VPS13B: variants seen among roughly 807,000 people sequenced by gnomAD.
The protein encoded by VPS13B is vacuolar protein sorting 13 homolog B.
A neutral mutation model predicts 426.4 loss-of-function variants in VPS13B; 285 were observed. That is an observed-to-expected ratio of 0.67 (90% CI 0.61 to 0.74). The LOEUF is 0.74. VPS13B is among the 30% of genes least tolerant of loss of function. VPS13B has a pLI of 0.00. For missense variants in VPS13B, 4,537 were observed against 4,782.6 expected, an observed-to-expected ratio of 0.95 and a Z score of 1.51; for synonymous variants, 1,676 against 1,676.4, an observed-to-expected ratio of 1.00 and a Z score of 0.01.
At chr8:99,447,106 C>A (rs1305736424) in intron 23 of VPS13B, among the ~76,000 whole-genome samples, 1 of 152,092 alleles carries the variant, frequency 6.6e-6, no homozygotes, top group East Asian at 1.9e-4. Flanking sequence ...TTATACTTTT[C>A]TTTTCTGTGC....
At chr8:99,589,892 G>T (rs1483791051) in intron 33 of VPS13B, among the ~76,000 whole-genome samples, 1 of 152,106 alleles carries the variant, frequency 6.6e-6, no homozygotes, top group Non-Finnish European at 1.5e-5. Flanking sequence ...CTATTGATTG[G>T]AATAGTTTCA....
At position 99,352,768 on chromosome 8, in the gene VPS13B, G is replaced by T. The variant is rs555594863; in HGVS notation, c.2825-31440G>T. 4.0e-5 allele frequency among the ~76,000 whole-genome samples: 6 copies of T among 151,456 alleles called. No individual in the cohort carries two copies. The South Asian group carries it at 1.3e-3, about 32-fold the overall frequency. On this transcript the variant is annotated intron_variant, in intron 19 of 61. Transcript: ENST00000357162. Reference sequence around the variant, plus strand: ...GAACCCGGGAGGCGGAGGTTGCTGTGAGCCAGGATCGTGCCATTGCACTCC... The same window carrying T: ...GAACCCGGGAGGCGGAGGTTGCTGTTAGCCAGGATCGTGCCATTGCACTCC...
At chr8:99,355,849 T>C (rs527808106) in intron 19 of VPS13B, among the ~76,000 whole-genome samples, 1 of 152,322 alleles carries the variant, frequency 6.6e-6, no homozygotes, top group East Asian at 1.9e-4. Flanking sequence ...TTATTATAAT[T>C]ATACTTGTCA....
intron 15 of VPS13B, among the ~76,000 whole-genome samples, chr8:99,157,134 AC>A (rs989341789): frequency 6.6e-6 from 1 of 152,138 alleles, no homozygotes; most frequent in Non-Finnish European, 1.5e-5. Flanking sequence ...AGGGCCTAAA[AC>A]TTTTTTATGT....
chr8:99,274,105 T>G, intron 17 of VPS13B, 93 bp from the exon 18 acceptor site: 1 of 1,514,116 alleles, frequency 6.6e-7, no homozygotes, highest in Non-Finnish European at 9.1e-7. Flanking sequence ...AGGTAGACAG[T>G]TAGAGTATAA....
In VPS13B at chr8:99,422,037, G is replaced by A. The variant is rs574390765; in HGVS notation, c.3083-9500G>A. ...CAGCAGTGCCTGGCTTGTAGTAGGT[G>A]CTATAGAGGTTTTGATTAAATAAGA... On this transcript the variant is annotated intron_variant, in intron 21 of 61. Transcript: ENST00000357162. 1.2e-4 allele frequency among the ~76,000 whole-genome samples: 19 copies of A among 152,242 alleles called. No individual in the cohort carries two copies. The South Asian group carries it at 3.9e-3, about 32-fold the overall frequency.
intron 44 of VPS13B, among the ~76,000 whole-genome samples, chr8:99,815,819 C>A (rs1214675272): frequency 6.6e-6 from 1 of 152,052 alleles, no homozygotes; most frequent in Non-Finnish European, 1.5e-5. Context: ...CAATTTCAAC[C>A]AATTTAAGAA....
intron 19 of VPS13B, among the ~76,000 whole-genome samples, chr8:99,307,474 A>G (rs2133087619): frequency 6.6e-6 from 1 of 152,268 alleles, no homozygotes; most frequent in South Asian, 2.1e-4. Context: ...TGAACAATAA[A>G]ATGAAACTTC....
Position 99,096,375 on chromosome 8 carries a change from T to G in VPS13B, c.355T>G (p.Ser119Ala), listed in dbSNP as rs770030696. 5 of 1,614,134 alleles carry G rather than the reference T, an allele frequency of 3.1e-6. No homozygotes were observed. Among genetic ancestry groups the G allele is most frequent in the Non-Finnish European group, 2.5e-6 (3 of 1,179,994 alleles). Reference sequence around the variant, plus strand: ...TAGTACTGCTGAGAGCACAAAATCATCAATCAAACCGCGGAGAATGCAGCA... The same window carrying G: ...TAGTACTGCTGAGAGCACAAAATCAGCAATCAAACCGCGGAGAATGCAGCA... ...NRSTAESTKS[S>A]IKPRRMQQAA... Residue 119 changes from serine to alanine, a missense_variant, in exon 4 of 62, where the codon TCA becomes GCA. Ser to Ala is a moderately conservative substitution (Grantham distance 99, BLOSUM62 1). Transcript: ENST00000357162.
intron 5 of VPS13B, among the ~76,000 whole-genome samples, chr8:99,108,132 A>G (rs1847145548): frequency 6.6e-6 from 1 of 152,206 alleles, no homozygotes; most frequent in Non-Finnish European, 1.5e-5. Context: ...TTTGCCTAGG[A>G]TAATGCCCTC....
intron 23 of VPS13B, among the ~76,000 whole-genome samples, chr8:99,448,949 C>T (rs1818056928): frequency 6.6e-6 from 1 of 152,132 alleles, no homozygotes. Context: ...TTCCATTCTA[C>T]TTCTCTGATA....
rs147774364 is a variant in VPS13B, at chr8:99,289,032, T to TATGAATGAATGAATGA, written c.2824+13796_2824+13811dup. 3.7e-3 allele frequency among the ~76,000 whole-genome samples: 542 copies of TATGAATGAATGAATGA among 146,754 alleles called. 3 individuals are homozygous for TATGAATGAATGAATGA. Among genetic ancestry groups the TATGAATGAATGAATGA allele is most frequent in the Middle Eastern group, 6.8e-3 (2 of 294 alleles). ...GACAACATAGTGAGACCCCTGCCTCTATGAATGAATGAATGAATGAATGAA... is the reference window on the plus strand; with the variant it reads ...GACAACATAGTGAGACCCCTGCCTCTATGAATGAATGAATGAATGAATGAATGAATGAATGAATGAA... On this transcript the variant is annotated intron_variant, in intron 19 of 61. Transcript: ENST00000357162.
At chr8:99,708,610 G>A (rs1198307074) in intron 36 of VPS13B, among the ~76,000 whole-genome samples, 1 of 152,082 alleles carries the variant, frequency 6.6e-6, no homozygotes, top group Non-Finnish European at 1.5e-5. Flanking sequence ...GAAGTCATCA[G>A]GTGCTTTGGG....
At chr8:99,830,197 A>C (rs935322814) in intron 51 of VPS13B, among the ~76,000 whole-genome samples, 1 of 152,204 alleles carries the variant, frequency 6.6e-6, no homozygotes, top group Non-Finnish European at 1.5e-5. Context: ...AGCTGTGCCC[A>C]CAGCTGCCCC....
chr8:99,618,282 C>CAAA lies in VPS13B; in HGVS notation c.5221-23512_5221-23510dup, dbSNP rs11301760. ...ATAATAATTCTTCATGTGTATATTT[C>CAAA]AAAAAAAAAAAAAAAAAAATTCTGT... On this transcript the variant is annotated intron_variant, in intron 33 of 61. Transcript: ENST00000357162. Among the ~76,000 whole-genome samples, 87 of 117,226 alleles carry CAAA rather than the reference C, an allele frequency of 7.4e-4. 1 individual carries two copies. Among genetic ancestry groups the CAAA allele is most frequent in the Middle Eastern group, 4.7e-3 (1 of 212 alleles). 76.9% of individuals were successfully genotyped at this position (117,226 alleles called of 152,430 possible).
intron 39 of VPS13B, among the ~76,000 whole-genome samples, chr8:99,737,106 CTT>C (rs386413466): frequency 1.7e-3 from 74 of 44,338 alleles, no homozygotes; most frequent in African/African-American, 5.2e-3. Flanking sequence ...AGATGTCCTT[CTT>C]TTTTTTTTTT....
chr8:99,125,077 T>TG (rs1848132406), intron 8 of VPS13B, among the ~76,000 whole-genome samples: 2 of 151,760 alleles, frequency 1.3e-5, no homozygotes, highest in African/African-American at 4.8e-5. Context: ...TTAAGGAGAG[T>TG]TGACTCACAC....
intron 40 of VPS13B, among the ~76,000 whole-genome samples, chr8:99,771,653 A>G (rs1811496733): frequency 6.6e-6 from 1 of 152,184 alleles, no homozygotes; most frequent in Non-Finnish European, 1.5e-5. Flanking sequence ...GTGATGATGA[A>G]TAAGTCCCTG....
intron 33 of VPS13B, among the ~76,000 whole-genome samples, chr8:99,637,531 T>A (rs1236565063): frequency 6.6e-6 from 1 of 152,130 alleles, no homozygotes; most frequent in African/African-American, 2.4e-5. Context: ...ACCATCTGAC[T>A]TCTGTTCAGT....
Sources: gnomAD v4.1 joint callset for allele counts (sites outside exome capture counted in the v4.1 genomes callset) on GRCh38, gnomAD v4.1.1 for gene constraint, MANE v1.5 for transcripts, NCBI Gene and HGNC (gene_info 2026-07-23, HGNC 2026-07-21) for gene names.